The following ONECUT3 variants were observed in gnomAD, a reference collection of about 807,000 sequenced individuals.
ONECUT3 encodes the protein one cut homeobox 3.
Under a neutral mutation model 16.8 loss-of-function variants are expected in ONECUT3, and 11 were observed. The observed-to-expected ratio is 0.66, with a 90% CI of 0.41 to 1.09. The LOEUF is 1.09. Among genes scored for constraint, ONECUT3 ranks in the 50% least tolerant of loss-of-function variants. The probability of loss-of-function intolerance (pLI) is 0.00; values close to 1 mark genes in which losing one functional copy is unlikely to be tolerated. For missense variants in ONECUT3, 637 were observed against 629.9 expected (o/e 1.01, Z -0.12); for synonymous variants, 344 against 310.7 (o/e 1.11, Z -1.13).
rs897539320 is a variant in ONECUT3, at chr19:1,759,325, C to T, written c.1192+4471C>T. On this transcript the variant is annotated intron_variant, in intron 1 of 1. Coordinates refer to ENST00000382349, the MANE Select transcript of ONECUT3 (RefSeq NM_001080488.2). The surrounding 1 kb of genome is among the most constrained non-coding windows in gnomAD (Gnocchi z 4.1). The stretch of plus-strand genomic sequence containing the variant: ...CAGGCTCATACAGGCCCTCCCTCCC[C>T]GGCTTCTCCCCCCTACCCGCTGCCA... Among the ~76,000 whole-genome samples, 2 of 152,052 alleles carry T rather than the reference C, an allele frequency of 1.3e-5. No homozygotes were observed. The highest frequency in any genetic ancestry group is 2.4e-5 in the African/African-American group (1 of 41,356).
chr19:1,754,261 C>A lies in ONECUT3; in HGVS notation c.599C>A (p.Ser200Ter). The A allele has an allele frequency of 1.2e-5, 13 of 1,064,682 alleles. No homozygotes were observed. The highest frequency in any genetic ancestry group is 1.5e-5 in the Non-Finnish European group (13 of 884,196). The allele number at this position is 1,064,682 out of a possible 1,614,324, so 66.0% of individuals were successfully genotyped here. A position where few individuals can be genotyped will look rare whatever the true frequency, so the allele number is the denominator to read the frequency against. ...KELPAMGSPL[S>*]PLPNALPPAL... is the part of the protein sequence containing the mutation. The stretch of plus-strand genomic sequence containing the variant: ...CTGCCCGCCATGGGGTCGCCGCTGT[C>A]GCCGCTGCCCAACGCGCTGCCGCCC... Residue 200 changes from serine (S) to a stop codon, truncating the protein, a stop_gained, in exon 1 of 2, where the codon TCG (serine) becomes TAG (stop). Transcript: ENST00000382349. LOFTEE classifies it high-confidence loss of function. The surrounding 1 kb of genome is among the most constrained non-coding windows in gnomAD (Gnocchi z 7.4).
chr19:1,775,140 C>CCGCT lies in ONECUT3; in HGVS notation c.1193-13_1193-12insCGCT. ...GTGTCCCGCTCGCCCGCCCGCCCGCCGCTCGCCCGCAGCCTGCAAGCGCAA... is the reference window on the plus strand; with the variant it reads ...GTGTCCCGCTCGCCCGCCCGCCCGCCCGCTGCTCGCCCGCAGCCTGCAAGCGCAA... On this transcript the variant is annotated splice_polypyrimidine_tract_variant and intron_variant, in intron 1 of 1. Coordinates refer to ENST00000382349, the MANE Select transcript of ONECUT3 (RefSeq NM_001080488.2). 7.3e-7 allele frequency: 1 copy of CCGCT among 1,378,796 alleles called. No individual in the cohort carries two copies. The allele number at this position is 1,378,796 out of a possible 1,614,324, so 85.4% of individuals were successfully genotyped here.
chr19:1,757,614 G>T (rs927598726), intron 1 of ONECUT3, among the ~76,000 whole-genome samples: 3 of 152,072 alleles, frequency 2.0e-5, no homozygotes, highest in Admixed American at 6.5e-5. Context: ...TCAACCTTGC[G>T]CACCTGTCGC....
chr19:1,768,869 G>C, intron 1 of ONECUT3, among the ~76,000 whole-genome samples: 3 of 151,652 alleles, frequency 2.0e-5, no homozygotes, highest in Non-Finnish European at 2.9e-5. Flanking sequence ...GGAGGAGGTG[G>C]CGGAGGTAGA....
Position 1,776,880 on chromosome 19 carries a change from G to A in ONECUT3, c.*1435G>A, listed in dbSNP as rs1437292868. The A allele has an allele frequency of 6.6e-6, 1 of 151,636 alleles. No homozygotes were observed. Among genetic ancestry groups the A allele is most frequent in the Non-Finnish European group, 1.5e-5 (1 of 67,980 alleles). 9.4% of individuals were successfully genotyped at this position (151,636 alleles called of 1,614,324 possible). A position where few individuals can be genotyped will look rare whatever the true frequency, so the allele number is the denominator to read the frequency against. On this transcript the variant is annotated 3_prime_UTR_variant, in exon 2 of 2. Transcript: ENST00000382349. This position sits in a 1 kb window ranked among gnomAD's most constrained non-coding sequence, Gnocchi z 4.9. ...CCCAGGTAAAGGCTACCTCACTCAA[G>A]CTCATGTCTGTGATTGGAAAATCAC...
At position 1,777,215 on chromosome 19, in the gene ONECUT3, G is replaced by A. The variant is rs567602016; in HGVS notation, c.*1770G>A. ...GATGCTTCTAGAACATTTGGGTGTT[G>A]GGGGGTTCCCAATAGTAGAAAGGGT... On this transcript the variant is annotated 3_prime_UTR_variant, in exon 2 of 2. Coordinates refer to ENST00000382349, the MANE Select transcript of ONECUT3 (RefSeq NM_001080488.2). The A allele has an allele frequency of 6.6e-6, 1 of 152,432 alleles. No homozygotes were observed. The highest frequency in any genetic ancestry group is 1.9e-4 in the East Asian group (1 of 5,182). The allele number at this position is 152,432 out of a possible 1,614,324, so 9.4% of individuals were successfully genotyped here. A position where few individuals can be genotyped will look rare whatever the true frequency, so the allele number is the denominator to read the frequency against.
chr19:1,753,508 A>T lies in ONECUT3; in HGVS notation c.-155A>T. 4.9e-6 allele frequency: 1 copy of T among 202,600 alleles called. No homozygotes were observed. The highest frequency in any genetic ancestry group is 2.4e-5 in the African/African-American group (1 of 42,108). 12.6% of individuals were successfully genotyped at this position (202,600 alleles called of 1,614,324 possible). Reference sequence around the variant, plus strand: ...GCGCCGGCGGCCGCTCCCCTGCCACATCCTGGTGGCCGCGCTCGCAGCCGG... The same window carrying T: ...GCGCCGGCGGCCGCTCCCCTGCCACTTCCTGGTGGCCGCGCTCGCAGCCGG... On this transcript the variant is annotated 5_prime_UTR_variant, in exon 1 of 2. Coordinates refer to ENST00000382349, the MANE Select transcript of ONECUT3 (RefSeq NM_001080488.2).
In ONECUT3 at chr19:1,779,786, C is replaced by G. The variant is rs886083383; in HGVS notation, c.*4341C>G. 2 of 152,158 alleles carry G rather than the reference C, an allele frequency of 1.3e-5. No homozygotes were observed. The highest frequency in any genetic ancestry group is 2.9e-5 in the Non-Finnish European group (2 of 68,102). The allele number at this position is 152,158 out of a possible 1,614,324, so 9.4% of individuals were successfully genotyped here. A position where few individuals can be genotyped will look rare whatever the true frequency, so the allele number is the denominator to read the frequency against. ...TGTTTCTTTCCTCCTTTCTAAGGAA[C>G]TGTGTCCAGCCGGGACAGGTGGACG... On this transcript the variant is annotated 3_prime_UTR_variant, in exon 2 of 2. Transcript: ENST00000382349.
intron 1 of ONECUT3, among the ~76,000 whole-genome samples, chr19:1,767,240 G>A (rs1402545169): frequency 2.0e-5 from 3 of 152,102 alleles, no homozygotes; most frequent in Admixed American, 1.3e-4. Flanking sequence ...ACCCCCAGAT[G>A]GGAGCTGGGA....
chr19:1,778,705 C>A lies in ONECUT3; in HGVS notation c.*3260C>A, dbSNP rs1276608153. Reference sequence around the variant, plus strand: ...GTCAGATCAGGTCAAGCCTCTTGGTCACAGAAGTGGCCCAGCAGCACTTTG... The same window carrying A: ...GTCAGATCAGGTCAAGCCTCTTGGTAACAGAAGTGGCCCAGCAGCACTTTG... On this transcript the variant is annotated 3_prime_UTR_variant, in exon 2 of 2. Coordinates refer to ENST00000382349, the MANE Select transcript of ONECUT3 (RefSeq NM_001080488.2). 6.6e-6 allele frequency: 1 copy of A among 152,086 alleles called. No individual in the cohort carries two copies. Among genetic ancestry groups the A allele is most frequent in the African/African-American group, 2.4e-5 (1 of 41,300 alleles). 9.4% of individuals were successfully genotyped at this position (152,086 alleles called of 1,614,324 possible). A position where few individuals can be genotyped will look rare whatever the true frequency, so the allele number is the denominator to read the frequency against.
At chr19:1,763,775 C>T (rs1036182923) in intron 1 of ONECUT3, among the ~76,000 whole-genome samples, 1 of 147,970 alleles carries the variant, frequency 6.8e-6, no homozygotes, top group Non-Finnish European at 1.5e-5. Context: ...TCAGATGCTC[C>T]GAGATTCTTC....
intron 1 of ONECUT3, among the ~76,000 whole-genome samples, chr19:1,760,944 A>T (rs1198946219): frequency 4.0e-5 from 6 of 150,908 alleles, no homozygotes; most frequent in Non-Finnish European, 5.9e-5. Context: ...TCTCCCTCCC[A>T]TTCCGTGCTG....
At position 1,778,767 on chromosome 19, in the gene ONECUT3, T is replaced by G. The variant is rs1173373402; in HGVS notation, c.*3322T>G. 1 of 151,278 alleles carries G rather than the reference T, an allele frequency of 6.6e-6. No individual in the cohort carries two copies. Among genetic ancestry groups the G allele is most frequent in the Non-Finnish European group, 1.5e-5 (1 of 68,108 alleles). The allele number at this position is 151,278 out of a possible 1,614,324, so 9.4% of individuals were successfully genotyped here. The stretch of plus-strand genomic sequence containing the variant: ...CAGGAGGATCGCTTGAGGCCAGGAG[T>G]TTGAGACCAGCCTGGGCAACACAGC... On this transcript the variant is annotated 3_prime_UTR_variant, in exon 2 of 2. Transcript: ENST00000382349.
intron 1 of ONECUT3, among the ~76,000 whole-genome samples, chr19:1,767,154 C>T (rs2067999665): frequency 6.6e-6 from 1 of 152,108 alleles, no homozygotes; most frequent in South Asian, 2.1e-4. Flanking sequence ...ACCTGAGGCT[C>T]AAGGCCTTCC....
intron 1 of ONECUT3, among the ~76,000 whole-genome samples, chr19:1,774,417 CA>C (rs58392959): frequency 0.42 from 61,192 of 145,988 alleles, 12,827 homozygotes; most frequent in East Asian, 0.61. Flanking sequence ...TTCCCCTCCG[CA>C]AAAAAAAAAA....
intron 1 of ONECUT3, among the ~76,000 whole-genome samples, chr19:1,757,276 G>A (rs1296615956): frequency 6.6e-6 from 1 of 152,254 alleles, no homozygotes; most frequent in Admixed American, 6.5e-5. Flanking sequence ...GGCCTCCGCC[G>A]TCCCCTTTCT....
chr19:1,772,945 C>T (rs545695840), intron 1 of ONECUT3, among the ~76,000 whole-genome samples: 6 of 150,878 alleles, frequency 4.0e-5, no homozygotes, highest in East Asian at 3.9e-4. Flanking sequence ...CCTCGTGATC[C>T]GCCCGCCTCG....
rs1555799065 is a variant in ONECUT3 at position 1,758,315 on chromosome 19, A to AAAGAGAGAG, written c.1192+3462_1192+3463insAGAGAGAGA. Among the ~76,000 whole-genome samples, 44 of 77,052 alleles carry AAAGAGAGAG rather than the reference A, an allele frequency of 5.7e-4. No homozygotes were observed. Among genetic ancestry groups the AAAGAGAGAG allele is most frequent in the African/African-American group, 1.7e-3 (41 of 24,834 alleles). The allele number at this position is 77,052 out of a possible 152,430, so 50.5% of individuals were successfully genotyped here. A position where few individuals can be genotyped will look rare whatever the true frequency, so the allele number is the denominator to read the frequency against. On this transcript the variant is annotated intron_variant, in intron 1 of 1. Transcript: ENST00000382349. This position sits in a 1 kb window ranked among gnomAD's most constrained non-coding sequence, Gnocchi z 5.9. ...GCAGAGAGACCAAAAAAAAAAAAAA[A>AAAGAGAGAG]AGAGAGAGAGAGAGAGAGAGACAGA...
At chr19:1,765,832 G>C (rs1256969307) in intron 1 of ONECUT3, among the ~76,000 whole-genome samples, 4 of 152,158 alleles carry the variant, frequency 2.6e-5, no homozygotes, top group Non-Finnish European at 5.9e-5. Flanking sequence ...GGGGAGCAGG[G>C]GGAGGCAGAG....
Sources: allele counts gnomAD v4.1 joint callset (sites outside exome capture counted in the v4.1 genomes callset), GRCh38; gene constraint gnomAD v4.1.1; non-coding constraint Gnocchi (gnomAD v3.1); transcripts MANE v1.5; gene names NCBI Gene and HGNC (gene_info 2026-07-23, HGNC 2026-07-21).